Variants in PXDN observed in about 807,000 individuals in gnomAD.
The protein encoded by PXDN is peroxidasin homolog.
PXDN carries 77 observed loss-of-function variants against 140.3 expected under a neutral mutation model. The observed-to-expected ratio is 0.55, with a 90% CI of 0.46 to 0.66. The LOEUF (loss-of-function observed/expected upper bound fraction) is 0.66, where lower values mean the gene tolerates loss of function less well. PXDN is among the 30% of genes least tolerant of loss of function. The pLI is 0.00. For synonymous variants in PXDN, 911 were observed against 857.4 expected (o/e 1.06, Z -1.09); for missense variants, 1,838 against 2,039.5 (o/e 0.90, Z 1.90).
chr2:1,727,523 G>C (rs970403516), intron 1 of PXDN, among the ~76,000 whole-genome samples: 3 of 152,212 alleles, frequency 2.0e-5, no homozygotes, highest in Non-Finnish European at 4.4e-5. Context: ...CATCCGGAAA[G>C]CACAGACCAG....
chr2:1,637,350 G>C (rs979095935), intron 21 of PXDN, among the ~76,000 whole-genome samples: 6 of 151,794 alleles, frequency 4.0e-5, no homozygotes, highest in Non-Finnish European at 7.4e-5. Context: ...GCTGCCGGGG[G>C]ATGTGCACCT....
In PXDN at chr2:1,639,371, C is replaced by T; in HGVS notation, c.4004G>A (p.Arg1335Lys). 1 of 1,614,034 alleles carries T rather than the reference C, an allele frequency of 6.2e-7. No homozygotes were observed. Among genetic ancestry groups the T allele is most frequent in the Non-Finnish European group, 8.5e-7 (1 of 1,179,886 alleles). Residue 1335 changes from arginine to lysine, a missense_variant, in exon 20 of 23, where the codon AGA becomes AAA. By Grantham distance (26) the Arg-to-Lys change is conservative (BLOSUM62 2). Coordinates refer to ENST00000252804, the MANE Select transcript of PXDN (RefSeq NM_012293.3). This position sits in a 1 kb window ranked among gnomAD's most constrained non-coding sequence, Gnocchi z 5.0. ...FNAFSYHFRGRRSLEFSYQED... is the reference protein window; with the variant it reads ...FNAFSYHFRGKRSLEFSYQED... Reference sequence around the variant, plus strand: ...CTGGTAGCTGAACTCAAGAGACCGTCTGCCTCGGAAATGATAGGAAAAGGC... The same window carrying T: ...CTGGTAGCTGAACTCAAGAGACCGTTTGCCTCGGAAATGATAGGAAAAGGC...
chr2:1,639,355 G>GA lies in PXDN; in HGVS notation c.4019dup (p.Ser1341GlnfsTer44). On this transcript the variant is annotated frameshift_variant, in exon 20 of 23. Transcript: ENST00000252804. LOFTEE classifies it high-confidence loss of function. This position sits in a 1 kb window ranked among gnomAD's most constrained non-coding sequence, Gnocchi z 5.0. ...TGGTCGGCTTGTCCTCCTGGTAGCT[G>GA]AACTCAAGAGACCGTCTGCCTCGGA... 1 of 1,614,032 alleles carries GA rather than the reference G, an allele frequency of 6.2e-7. No individual in the cohort carries two copies. Among genetic ancestry groups the GA allele is most frequent in the Non-Finnish European group, 8.5e-7 (1 of 1,179,898 alleles).
chr2:1,700,932 G>C lies in PXDN; in HGVS notation c.201-7798C>G, dbSNP rs182350501. On this transcript the variant is annotated intron_variant, in intron 1 of 22. Transcript: ENST00000252804. ...CTCTTAGACTGTGCTGCTTCAGAGA[G>C]GCAAATATGCAAAGTGCTTTACTGA... 2.7e-3 allele frequency among the ~76,000 whole-genome samples: 413 copies of C among 152,156 alleles called. 1 individual carries two copies. The highest frequency in any genetic ancestry group is 9.6e-3 in the African/African-American group (398 of 41,516).
In PXDN at chr2:1,740,531, A is replaced by G. The variant is rs763284481; in HGVS notation, c.200+3725T>C. 3.3e-5 allele frequency among the ~76,000 whole-genome samples: 5 copies of G among 150,726 alleles called. No individual in the cohort carries two copies. In the South Asian group the frequency reaches 1.1e-3, roughly 32 times the overall value. On this transcript the variant is annotated intron_variant, in intron 1 of 22. Coordinates refer to ENST00000252804, the MANE Select transcript of PXDN (RefSeq NM_012293.3). ...GGGAGGAGACCCACAGAGCAGCAACACTGGAACCTTCTGCTCATGTGAACA... is the reference window on the plus strand; with the variant it reads ...GGGAGGAGACCCACAGAGCAGCAACGCTGGAACCTTCTGCTCATGTGAACA...
At chr2:1,715,146 T>G (rs1414782781) in intron 1 of PXDN, among the ~76,000 whole-genome samples, 4 of 152,202 alleles carry the variant, frequency 2.6e-5, no homozygotes, top group African/African-American at 9.7e-5. Flanking sequence ...TCAGAAAAAC[T>G]TGGCCAGTTT....
chr2:1,728,397 C>T (rs532053949), intron 1 of PXDN, among the ~76,000 whole-genome samples: 1 of 152,378 alleles, frequency 6.6e-6, no homozygotes, highest in South Asian at 2.1e-4. Context: ...AATACAGTCC[C>T]TCCGCATTAT....
rs988392451 is a variant in PXDN, at chr2:1,649,944, T to C, written c.2105-269A>G. 6.6e-6 allele frequency among the ~76,000 whole-genome samples: 1 copy of C among 151,806 alleles called. No homozygotes were observed. Among genetic ancestry groups the C allele is most frequent in the Non-Finnish European group, 1.5e-5 (1 of 67,946 alleles). On this transcript the variant is annotated intron_variant, in intron 16 of 22. Coordinates refer to ENST00000252804, the MANE Select transcript of PXDN (RefSeq NM_012293.3). This position sits in a 1 kb window ranked among gnomAD's most constrained non-coding sequence, Gnocchi z 7.1. ...TGTCTCCCCTCCCCACTTAGCAGTCTCATGGTTTCAACCAGCAGCTCTCCT... is the reference window on the plus strand; with the variant it reads ...TGTCTCCCCTCCCCACTTAGCAGTCCCATGGTTTCAACCAGCAGCTCTCCT...
At chr2:1,712,127 G>A (rs893791105) in intron 1 of PXDN, among the ~76,000 whole-genome samples, 10 of 152,126 alleles carry the variant, frequency 6.6e-5, no homozygotes, top group Non-Finnish European at 1.3e-4. Flanking sequence ...CAGAAAAGAA[G>A]GAACTGAGAT....
intron 1 of PXDN, among the ~76,000 whole-genome samples, chr2:1,739,257 G>A (rs957510388): frequency 5.3e-5 from 8 of 152,096 alleles, no homozygotes; most frequent in African/African-American, 1.4e-4. Context: ...TCTGTCGGAA[G>A]GGAACTATAC....
intron 14 of PXDN, among the ~76,000 whole-genome samples, chr2:1,655,380 C>T (rs1379822066): frequency 3.3e-5 from 5 of 151,266 alleles, no homozygotes; most frequent in Non-Finnish European, 1.5e-5. Flanking sequence ...ACACAAATCA[C>T]ATTACACACA....
At chr2:1,683,615 A>C in intron 6 of PXDN, 41 bp downstream of exon 6, 1 of 1,233,762 alleles carries the variant, frequency 8.1e-7, no homozygotes, top group Non-Finnish European at 1.1e-6. Flanking sequence ...GAGAGAAAGA[A>C]GGCTTTGCAG....
At chr2:1,726,708 GATAA>G (rs1031416831) in intron 1 of PXDN, among the ~76,000 whole-genome samples, 57 of 152,252 alleles carry the variant, frequency 3.7e-4, no homozygotes, top group African/African-American at 1.3e-3. Context: ...CCCCTTATCA[GATAA>G]ATAGTTTGCA....
chr2:1,702,266 G>A (rs1684453418), intron 1 of PXDN, among the ~76,000 whole-genome samples: 1 of 152,156 alleles, frequency 6.6e-6, no homozygotes, highest in South Asian at 2.1e-4. Flanking sequence ...GGGAATTGGG[G>A]TCCTGCCCAT....
At position 1,680,326 on chromosome 2, in the gene PXDN, T is replaced by C; in HGVS notation, c.597A>G (p.Glu199=). The change falls in exon 7 of 23, where the codon GAA becomes GAG. Residue 199 remains glutamate (E), a synonymous_variant. Coordinates refer to ENST00000252804, the MANE Select transcript of PXDN (RefSeq NM_012293.3). ...LDSNTLHCDC[E]ILWLADLLKT... is the part of the protein sequence containing the mutation. ...TCAGCAAATCCGCCAACCACAGGAT[T>C]TCACAGTCGCAGTGAAGTGTGTTTG... is the stretch of plus-strand genomic sequence containing the variant. 6.2e-7 allele frequency: 1 copy of C among 1,614,020 alleles called. No homozygotes were observed. Among genetic ancestry groups the C allele is most frequent in the Non-Finnish European group, 8.5e-7 (1 of 1,179,888 alleles).
At chr2:1,731,576 T>A (rs1038478333) in intron 1 of PXDN, among the ~76,000 whole-genome samples, 2 of 152,136 alleles carry the variant, frequency 1.3e-5, no homozygotes, top group African/African-American at 4.8e-5. Context: ...AGCAAACATG[T>A]TCTTACCAAG....
chr2:1,717,290 C>T lies in PXDN; in HGVS notation c.201-24156G>A, dbSNP rs182996790. 3.0e-3 allele frequency among the ~76,000 whole-genome samples: 455 copies of T among 152,208 alleles called. 1 individual carries two copies. Among genetic ancestry groups the T allele is most frequent in the African/African-American group, 0.01 (426 of 41,524 alleles). ...CTAAACTGGCTGGTGGAAAGTCTGA[C>T]GGGAACAGAGATTCCGCTGCTGTCT... On this transcript the variant is annotated intron_variant, in intron 1 of 22. Transcript: ENST00000252804.
At chr2:1,742,115 G>C (rs1366673017) in intron 1 of PXDN, among the ~76,000 whole-genome samples, 1 of 152,210 alleles carries the variant, frequency 6.6e-6, no homozygotes, top group Non-Finnish European at 1.5e-5. Context: ...CATCCAGCCA[G>C]GACTCCATTC....
intron 1 of PXDN, 61 bp from the exon 2 acceptor site, chr2:1,693,195 T>C: frequency 3.0e-6 from 4 of 1,331,434 alleles, no homozygotes; most frequent in Non-Finnish European, 4.2e-6. Flanking sequence ...TCGCTACACA[T>C]TTGCTGCTCT....
Sources: allele counts gnomAD v4.1 joint callset (sites outside exome capture counted in the v4.1 genomes callset), GRCh38; gene constraint gnomAD v4.1.1; non-coding constraint Gnocchi (gnomAD v3.1); transcripts MANE v1.5; gene names NCBI Gene and HGNC (gene_info 2026-07-23, HGNC 2026-07-21).